Variants in IP6K3 observed in about 807,000 individuals in gnomAD.
The protein encoded by IP6K3 is inositol hexakisphosphate kinase 3.
IP6K3 carries 20 observed loss-of-function variants against 28.8 expected under a neutral mutation model. The observed-to-expected ratio is 0.70, with a 90% confidence interval of 0.49 to 1.01. The LOEUF is 1.01. IP6K3 is among the 50% of genes least tolerant of loss of function. The pLI is 0.00. For synonymous variants in IP6K3, 213 were observed against 221.3 expected (o/e 0.96, Z 0.33); for missense variants, 480 against 537.1 (o/e 0.89, Z 1.05).
chr6:33,760,401 G>A, the IP6K3 span, among the ~76,000 whole-genome samples: 5 of 152,238 alleles, frequency 3.3e-5, no homozygotes, highest in African/African-American at 1.2e-4. Flanking sequence ...GTGTGCACAG[G>A]TGTGCACATG....
At chr6:33,761,506 C>CT in the IP6K3 span, among the ~76,000 whole-genome samples, 75 of 152,270 alleles carry the variant, frequency 4.9e-4, 1 homozygote, top group African/African-American at 1.6e-3. Context: ...ACCTCAGTCG[C>CT]TGGGGATGCA....
intron 1 of IP6K3, among the ~76,000 whole-genome samples, chr6:33,743,194 C>T (rs1290966828): frequency 2.0e-5 from 3 of 152,138 alleles, no homozygotes; most frequent in Non-Finnish European, 2.9e-5. Flanking sequence ...CTGAAGCCTT[C>T]GGGACCACAT....
the IP6K3 span, among the ~76,000 whole-genome samples, chr6:33,752,742 C>T: frequency 6.6e-6 from 1 of 152,118 alleles, no homozygotes; most frequent in Non-Finnish European, 1.5e-5. Context: ...CTCACCTGGG[C>T]TCCATTCTTC....
chr6:33,749,842 G>A (rs949786485), upstream of IP6K3, among the ~76,000 whole-genome samples: 3 of 152,064 alleles, frequency 2.0e-5, no homozygotes, highest in African/African-American at 7.2e-5. Flanking sequence ...GGAAACAAGA[G>A]TGGCCTAGCC....
intron 5 of IP6K3, among the ~76,000 whole-genome samples, chr6:33,723,468 CTTCT>C (rs1477428833): frequency 6.6e-6 from 1 of 152,214 alleles, no homozygotes; most frequent in Non-Finnish European, 1.5e-5. Flanking sequence ...ACGTTTGGAT[CTTCT>C]TTCTTGTGAA....
the IP6K3 span, among the ~76,000 whole-genome samples, chr6:33,760,663 G>C: frequency 6.6e-6 from 1 of 152,198 alleles, no homozygotes; most frequent in Non-Finnish European, 1.5e-5. Flanking sequence ...AAGTAGCTGG[G>C]ACTACAGGTG....
At chr6:33,737,295 T>TCCTGAGAGCACATTCCCACAGCGGTGC (rs531331640) in intron 1 of IP6K3, among the ~76,000 whole-genome samples, 5 of 151,540 alleles carry the variant, frequency 3.3e-5, no homozygotes, top group African/African-American at 7.3e-5. Context: ...GTTCGTCCTG[T>TCCTGAGAGCACATTCCCACAGCGGTGC]CCTGAGAGCA....
chr6:33,727,998 T>C (rs1469738408), intron 3 of IP6K3, 89 bp downstream of exon 3: 7 of 1,535,732 alleles, frequency 4.6e-6, no homozygotes, highest in South Asian at 2.5e-5. Context: ...CCAGCCTTAA[T>C]AGGGAGTGGT....
upstream of IP6K3, among the ~76,000 whole-genome samples, chr6:33,748,626 A>G (rs946294155): frequency 1.5e-5 from 2 of 133,770 alleles, no homozygotes; most frequent in African/African-American, 5.5e-5. Flanking sequence ...TGGGCGACAC[A>G]GAGAGACCCT....
intron 2 of IP6K3, among the ~76,000 whole-genome samples, chr6:33,729,405 CTGCTT>C (rs1233302839): frequency 6.6e-6 from 1 of 152,248 alleles, no homozygotes; most frequent in African/African-American, 2.4e-5. Flanking sequence ...CCCCTCTGTC[CTGCTT>C]TATGCTGAAG....
At chr6:33,755,513 G>A in the IP6K3 span, among the ~76,000 whole-genome samples, 74,294 of 152,170 alleles carry the variant, frequency 0.49, 20,279 homozygotes, top group East Asian at 0.86. Context: ...CCTTAAGGTG[G>A]CCAGAGAGCA....
chr6:33,747,549 C>A (rs1425604521), upstream of IP6K3, among the ~76,000 whole-genome samples: 1 of 152,112 alleles, frequency 6.6e-6, no homozygotes, highest in Admixed American at 6.5e-5. The surrounding 1 kb of genome is among the most constrained non-coding windows in gnomAD (Gnocchi z 5.2). Context: ...CCTGGAGGAG[C>A]TGACCGGCTG....
At chr6:33,747,899 G>A (rs1766956803), upstream of IP6K3, among the ~76,000 whole-genome samples, 1 of 152,134 alleles carries the variant, frequency 6.6e-6, no homozygotes, top group African/African-American at 2.4e-5. This position sits in a 1 kb window ranked among gnomAD's most constrained non-coding sequence, Gnocchi z 5.2. Context: ...GGGGCAGTGT[G>A]GGGAAGGAGA....
In IP6K3 at chr6:33,742,089, T is replaced by TA. The variant is rs1290939583; in HGVS notation, c.-180+4668dup. Among the ~76,000 whole-genome samples the TA allele has an allele frequency of 1.3e-5, 2 of 152,204 alleles. No individual in the cohort carries two copies. Among genetic ancestry groups the TA allele is most frequent in the African/African-American group, 4.8e-5 (2 of 41,452 alleles). ...AGGGTCAACTCTGGACCCCTGGCTTTACAATCACACCTCTGTGTCTCCAGC... is the reference window on the plus strand; with the variant it reads ...AGGGTCAACTCTGGACCCCTGGCTTTAACAATCACACCTCTGTGTCTCCAGC... On this transcript the variant is annotated intron_variant, in intron 1 of 5. Coordinates refer to ENST00000293756, the MANE Select transcript of IP6K3 (RefSeq NM_054111.5). The surrounding 1 kb of genome is among the most constrained non-coding windows in gnomAD (Gnocchi z 4.5).
At chr6:33,755,304 C>T in the IP6K3 span, among the ~76,000 whole-genome samples, 1 of 152,268 alleles carries the variant, frequency 6.6e-6, no homozygotes, top group Admixed American at 6.5e-5. Flanking sequence ...GGTGCCCTTT[C>T]CAGCCCCTGC....
chr6:33,731,272 C>T (rs572284349), intron 2 of IP6K3, among the ~76,000 whole-genome samples: 1 of 152,186 alleles, frequency 6.6e-6, no homozygotes, highest in South Asian at 2.1e-4. Context: ...GGCCCTGCCA[C>T]ACGTGACCCT....
upstream of IP6K3, among the ~76,000 whole-genome samples, chr6:33,751,373 T>C (rs563782502): frequency 2.6e-5 from 4 of 152,114 alleles, no homozygotes; most frequent in East Asian, 7.7e-4. This position sits in a 1 kb window ranked among gnomAD's most constrained non-coding sequence, Gnocchi z 4.3. Context: ...GAGCCACAGA[T>C]TGCAAAATCT....
chr6:33,750,164 C>G (rs114760114), upstream of IP6K3, among the ~76,000 whole-genome samples: 1,647 of 152,328 alleles, frequency 0.011, 10 homozygotes, highest in Non-Finnish European at 0.016. This position sits in a 1 kb window ranked among gnomAD's most constrained non-coding sequence, Gnocchi z 4.3. Context: ...TTCTCCATCT[C>G]TATGGCCCTG....
chr6:33,724,138 A>AT lies in IP6K3; in HGVS notation c.766-952dup, dbSNP rs1475963738. Among the ~76,000 whole-genome samples the AT allele has an allele frequency of 4.6e-5, 7 of 152,368 alleles. No individual in the cohort carries two copies. In the East Asian group the frequency reaches 1.3e-3, roughly 29 times the overall value. On this transcript the variant is annotated intron_variant, in intron 5 of 5. Transcript: ENST00000293756. ...TGTTGAAAAAAATCGGAAAGATATG[A>AT]TAGCCTTAGTGTTGCCTTTGGAGGG... is the stretch of plus-strand genomic sequence containing the variant.
Sources: gnomAD v4.1 joint callset for allele counts (sites outside exome capture counted in the v4.1 genomes callset) on GRCh38, gnomAD v4.1.1 for gene constraint, Gnocchi (gnomAD v3.1) non-coding constraint, MANE v1.5 for transcripts, NCBI Gene and HGNC (gene_info 2026-07-23, HGNC 2026-07-21) for gene names.